ZC3H8: variants seen among roughly 807,000 people sequenced by gnomAD.
ZC3H8 encodes the protein zinc finger CCCH-type containing 8, also known as zinc finger CCCH domain-containing protein 8.
ZC3H8 carries 27 observed loss-of-function variants against 42.5 expected under a neutral mutation model. The ratio of observed to expected loss-of-function variants is 0.64; its 90% CI spans 0.47 to 0.88. ZC3H8 has a LOEUF of 0.88. ZC3H8 is among the 40% of genes least tolerant of loss of function. The pLI is 0.00. For missense variants in ZC3H8, 277 were observed against 336.1 expected (o/e 0.82, Z 1.37); for synonymous variants, 101 against 110.1 (o/e 0.92, Z 0.52).
At chr2:112,219,126 G>A (rs1222047926) in intron 8 of ZC3H8, among the ~76,000 whole-genome samples, 2 of 152,104 alleles carry the variant, frequency 1.3e-5, no homozygotes, top group Non-Finnish European at 2.9e-5. Context: ...GGGATCTGAA[G>A]GAACAAATAG....
At position 112,250,176 on chromosome 2, in the gene ZC3H8, TC is replaced by T; in HGVS notation, c.156+14del. 6.5e-7 allele frequency: 1 copy of T among 1,546,542 alleles called. No individual in the cohort carries two copies. The highest frequency in any genetic ancestry group is 2.3e-5 in the East Asian group (1 of 42,726). The stretch of plus-strand genomic sequence containing the variant: ...TCTGCGTTTTCAACTTAAACAGTGG[TC>T]AACTTAATCTTACTTTTTTGGGAAT... On this transcript the variant is annotated intron_variant, in intron 2 of 8. Coordinates refer to ENST00000409573, the MANE Select transcript of ZC3H8 (RefSeq NM_032494.3).
chr2:112,223,160 T>C (rs979434645), intron 8 of ZC3H8, among the ~76,000 whole-genome samples: 3 of 151,830 alleles, frequency 2.0e-5, no homozygotes, highest in African/African-American at 7.3e-5. Context: ...CTAATGTAAA[T>C]GACGAGTTAA....
intron 8 of ZC3H8, among the ~76,000 whole-genome samples, chr2:112,219,863 T>TA (rs1366544739): frequency 1.3e-5 from 2 of 152,118 alleles, no homozygotes; most frequent in African/African-American, 4.8e-5. Context: ...GTGAGTGGAG[T>TA]GTTTAATGTC....
chr2:112,246,593 T>G (rs1685773734), intron 2 of ZC3H8, among the ~76,000 whole-genome samples: 1 of 152,122 alleles, frequency 6.6e-6, no homozygotes. Flanking sequence ...GAACTAGAAT[T>G]AGAAGTGGAG....
chr2:112,254,777 C>T (rs1686067406), intron 1 of ZC3H8, 131 bp downstream of exon 1: 3 of 1,083,262 alleles, frequency 2.8e-6, no homozygotes, highest in Non-Finnish European at 3.9e-6. Flanking sequence ...GCCCGGCCGG[C>T]CCACGTGCTC....
At chr2:112,218,677 CATAGAG>C (rs1258680394) in intron 8 of ZC3H8, among the ~76,000 whole-genome samples, 2 of 152,016 alleles carry the variant, frequency 1.3e-5, no homozygotes, top group African/African-American at 2.4e-5. Context: ...AATTTGGAAA[CATAGAG>C]AGAGAGAGAG....
chr2:112,222,962 T>C (rs1684653402), intron 8 of ZC3H8, among the ~76,000 whole-genome samples: 1 of 152,226 alleles, frequency 6.6e-6, no homozygotes, highest in African/African-American at 2.4e-5. Flanking sequence ...TAAAAAACTT[T>C]TAAAGTATCC....
chr2:112,219,643 TG>T (rs1684497837), intron 8 of ZC3H8, among the ~76,000 whole-genome samples: 1 of 151,924 alleles, frequency 6.6e-6, no homozygotes, highest in Non-Finnish European at 1.5e-5. Flanking sequence ...AGAGTGTGAG[TG>T]GGGTGATTTT....
rs1684293842 is a variant in ZC3H8, at chr2:112,215,759, A to G, written c.*725T>C. 6.6e-6 allele frequency: 1 copy of G among 152,234 alleles called. No individual in the cohort carries two copies. Among genetic ancestry groups the G allele is most frequent in the South Asian group, 2.1e-4 (1 of 4,832 alleles). The allele number at this position is 152,234 out of a possible 1,614,324, so 9.4% of individuals were successfully genotyped here. ...GTTAATGATACCATCACACTCCTAA[A>G]GTTTGTAACTCACACAAGTGTATAA... On this transcript the variant is annotated 3_prime_UTR_variant, in exon 9 of 9. Coordinates refer to ENST00000409573, the MANE Select transcript of ZC3H8 (RefSeq NM_032494.3).
chr2:112,227,301 G>A (rs1684883050), intron 8 of ZC3H8, among the ~76,000 whole-genome samples: 1 of 152,216 alleles, frequency 6.6e-6, no homozygotes, highest in African/African-American at 2.4e-5. Context: ...GAGGCAGGCG[G>A]ATCGCCTGAG....
At chr2:112,245,629 G>A (rs1685734987) in intron 2 of ZC3H8, among the ~76,000 whole-genome samples, 1 of 152,198 alleles carries the variant, frequency 6.6e-6, no homozygotes, top group Non-Finnish European at 1.5e-5. Flanking sequence ...ACTCCAGCCT[G>A]GGTGACAGAG....
chr2:112,254,025 T>TA (rs1573932856), intron 1 of ZC3H8: 2 of 805,846 alleles, frequency 2.5e-6, no homozygotes, highest in Non-Finnish European at 3.0e-6. Flanking sequence ...TTCCCATCTG[T>TA]AAAACGAGGA....
At chr2:112,254,033 G>C (rs989385518) in intron 1 of ZC3H8, 19 of 846,854 alleles carry the variant, frequency 2.2e-5, no homozygotes, top group Admixed American at 1.9e-4. Flanking sequence ...TGTAAAACGA[G>C]GACGGCATCA....
At chr2:112,228,960 A>G (rs1333600911) in intron 8 of ZC3H8, among the ~76,000 whole-genome samples, 2 of 152,244 alleles carry the variant, frequency 1.3e-5, no homozygotes, top group African/African-American at 4.8e-5. Flanking sequence ...AGATGTTCAT[A>G]GTCATTTGAG....
chr2:112,215,998 T>A lies in ZC3H8; in HGVS notation c.*486A>T, dbSNP rs1447800586. On this transcript the variant is annotated 3_prime_UTR_variant, in exon 9 of 9. Transcript: ENST00000409573. The stretch of plus-strand genomic sequence containing the variant: ...TTTATTTTAAGCCCTAAAATGAAAT[T>A]GTGAACCATTAAAAATATGTTGTAA... 1.3e-5 allele frequency: 2 copies of A among 152,184 alleles called. No homozygotes were observed. Among genetic ancestry groups the A allele is most frequent in the African/African-American group, 4.8e-5 (2 of 41,444 alleles). The allele number at this position is 152,184 out of a possible 1,614,324, so 9.4% of individuals were successfully genotyped here.
intron 8 of ZC3H8, among the ~76,000 whole-genome samples, chr2:112,227,846 C>T (rs2104649629): frequency 6.6e-6 from 1 of 151,366 alleles, no homozygotes; most frequent in Admixed American, 6.6e-5. Flanking sequence ...ACATTCCATG[C>T]TCACAGATCA....
intron 8 of ZC3H8, among the ~76,000 whole-genome samples, chr2:112,224,227 G>A (rs925730030): frequency 2.6e-5 from 4 of 152,146 alleles, no homozygotes; most frequent in African/African-American, 9.7e-5. Context: ...TATCAGGAAC[G>A]TAAGGGTGGT....
chr2:112,251,679 A>G (rs1250384833), intron 1 of ZC3H8, among the ~76,000 whole-genome samples: 1 of 152,230 alleles, frequency 6.6e-6, no homozygotes, highest in African/African-American at 2.4e-5. Flanking sequence ...ACAATCACAG[A>G]AAGGATATGT....
At chr2:112,233,154 A>G (rs1414876771) in intron 6 of ZC3H8, 106 bp downstream of exon 6, 8 of 660,934 alleles carry the variant, frequency 1.2e-5, no homozygotes, top group African/African-American at 7.7e-5. Context: ...GGCTTGGATA[A>G]TATCATTTTG....
Sources: gnomAD v4.1 joint callset for allele counts (sites outside exome capture counted in the v4.1 genomes callset) on GRCh38, gnomAD v4.1.1 for gene constraint, MANE v1.5 for transcripts, NCBI Gene and HGNC (gene_info 2026-07-23, HGNC 2026-07-21) for gene names.